The following CDH4 variants were observed in gnomAD, a reference collection of about 807,000 sequenced individuals.
CDH4 encodes the protein cadherin-4.
Under a neutral mutation model 86.0 loss-of-function variants are expected in CDH4, and 33 were observed. The ratio of observed to expected loss-of-function variants is 0.38; its 90% CI spans 0.29 to 0.51. CDH4 has a LOEUF of 0.51. Ranked by LOEUF, CDH4 falls within the 20% of genes least tolerant of loss-of-function variation. The pLI, the probability that CDH4 is intolerant of heterozygous loss-of-function variation, is 0.86. For missense variants in CDH4, 1,114 were observed against 1,307.4 expected (o/e 0.85, Z 2.28); for synonymous variants, 555 against 549.4 (o/e 1.01, Z -0.14).
rs186725185 is a variant in CDH4 at position 61,427,401 on chromosome 20, T to G, written c.169+172464T>G. 3.1e-3 allele frequency among the ~76,000 whole-genome samples: 471 copies of G among 152,310 alleles called. 1 individual carries two copies. The highest frequency in any genetic ancestry group is 5.1e-3 in the Non-Finnish European group (347 of 68,012). ...GCATTAGCAATTTTTCTGCAGGGGT[T>G]TTTAGAGGCTGTGGCATGAAATCAG... On this transcript the variant is annotated intron_variant, in intron 2 of 15. Transcript: ENST00000614565.
At chr20:61,285,270 G>C (rs910682342) in intron 2 of CDH4, among the ~76,000 whole-genome samples, 1 of 152,196 alleles carries the variant, frequency 6.6e-6, no homozygotes, top group African/African-American at 2.4e-5. Context: ...ACGAAGCCAC[G>C]AAGCAGCAGA....
chr20:61,900,430 C>T (rs1171218258), intron 8 of CDH4, among the ~76,000 whole-genome samples: 1 of 152,180 alleles, frequency 6.6e-6, no homozygotes, highest in Non-Finnish European at 1.5e-5. Flanking sequence ...GAGCTCCCAC[C>T]CACCCGACAT....
At chr20:61,906,095 G>T (rs2054785372) in intron 8 of CDH4, among the ~76,000 whole-genome samples, 1 of 152,220 alleles carries the variant, frequency 6.6e-6, no homozygotes, top group Non-Finnish European at 1.5e-5. Context: ...GGGGCCGCCA[G>T]AACTGACCCC....
chr20:61,445,141 A>C (rs1367411722), intron 2 of CDH4, among the ~76,000 whole-genome samples: 3 of 151,728 alleles, frequency 2.0e-5, no homozygotes, highest in Non-Finnish European at 4.4e-5. Context: ...CCCACTCCCT[A>C]TTGCAAGAAT....
chr20:61,404,521 A>G (rs765469690), intron 2 of CDH4, among the ~76,000 whole-genome samples: 46 of 152,046 alleles, frequency 3.0e-4, no homozygotes, highest in Admixed American at 9.8e-4. Flanking sequence ...AATTGTGGTT[A>G]TGACGATCTG....
chr20:61,622,486 C>T (rs2086786675), intron 2 of CDH4, among the ~76,000 whole-genome samples: 2 of 152,254 alleles, frequency 1.3e-5, no homozygotes, highest in Admixed American at 1.3e-4. Flanking sequence ...GCTGCAGCAT[C>T]CGAGGACCAG....
chr20:61,394,729 A>G (rs532047097), intron 2 of CDH4, among the ~76,000 whole-genome samples: 9 of 151,696 alleles, frequency 5.9e-5, no homozygotes, highest in African/African-American at 1.7e-4. Context: ...AGCCTCTCAA[A>G]AGGAGCCAGC....
At chr20:61,583,790 G>A (rs2086449904) in intron 2 of CDH4, among the ~76,000 whole-genome samples, 1 of 152,238 alleles carries the variant, frequency 6.6e-6, no homozygotes, top group African/African-American at 2.4e-5. Context: ...CTGCACTGAA[G>A]TGTGGACAGC....
At chr20:61,476,945 G>C (rs2085539783) in intron 2 of CDH4, among the ~76,000 whole-genome samples, 1 of 152,212 alleles carries the variant, frequency 6.6e-6, no homozygotes, top group Non-Finnish European at 1.5e-5. Flanking sequence ...CTGGGTTTAG[G>C]TGTTAGAAGA....
intron 2 of CDH4, among the ~76,000 whole-genome samples, chr20:61,735,689 C>T (rs1208559280): frequency 3.3e-5 from 5 of 152,248 alleles, no homozygotes; most frequent in African/African-American, 7.2e-5. Flanking sequence ...GGCCTCCCCA[C>T]GGCCTCCGTG....
intron 2 of CDH4, among the ~76,000 whole-genome samples, chr20:61,638,744 G>A (rs995005790): frequency 6.6e-6 from 1 of 152,152 alleles, no homozygotes; most frequent in African/African-American, 2.4e-5. Flanking sequence ...TCGACATCTG[G>A]GTAGATGCAA....
chr20:61,553,486 C>T (rs541691734), intron 2 of CDH4, among the ~76,000 whole-genome samples: 5 of 152,314 alleles, frequency 3.3e-5, no homozygotes, highest in Admixed American at 2.0e-4. Flanking sequence ...GAGGTGTTTC[C>T]ATTTGGGGCT....
At chr20:61,339,543 G>C (rs189027016) in intron 2 of CDH4, among the ~76,000 whole-genome samples, 1 of 152,270 alleles carries the variant, frequency 6.6e-6, no homozygotes, top group Admixed American at 6.5e-5. Flanking sequence ...CTTGTGATGG[G>C]CTTGATGAAG....
In CDH4 at chr20:61,902,862, C is replaced by A. The variant is rs1048196357; in HGVS notation, c.1189-7560C>A. On this transcript the variant is annotated intron_variant, in intron 8 of 15. Coordinates refer to ENST00000614565, the MANE Select transcript of CDH4 (RefSeq NM_001794.5). This position sits in a 1 kb window ranked among gnomAD's most constrained non-coding sequence, Gnocchi z 4.6. Reference sequence around the variant, plus strand: ...CTGTCTCAGAGAGCTGATTAAAAATCTCACACCACACACAGCAGAGGTGGC... The same window carrying A: ...CTGTCTCAGAGAGCTGATTAAAAATATCACACCACACACAGCAGAGGTGGC... Among the ~76,000 whole-genome samples the A allele has an allele frequency of 1.3e-5, 2 of 152,054 alleles. No homozygotes were observed. Among genetic ancestry groups the A allele is most frequent in the Non-Finnish European group, 2.9e-5 (2 of 67,996 alleles).
intron 4 of CDH4, among the ~76,000 whole-genome samples, chr20:61,841,970 G>T (rs1458146362): frequency 2.0e-5 from 3 of 152,214 alleles, no homozygotes; most frequent in African/African-American, 4.8e-5. Flanking sequence ...CCTCACTCCT[G>T]CACGTAGGAA....
chr20:61,627,673 C>G (rs957057888), intron 2 of CDH4, among the ~76,000 whole-genome samples: 3 of 152,070 alleles, frequency 2.0e-5, no homozygotes, highest in African/African-American at 7.3e-5. Flanking sequence ...CTGAGGCCCC[C>G]TGGTTGGGAC....
At chr20:61,304,269 C>CCT (rs1555835202) in intron 2 of CDH4, among the ~76,000 whole-genome samples, 1 of 151,662 alleles carries the variant, frequency 6.6e-6, no homozygotes, top group South Asian at 2.1e-4. Context: ...CGGCACCCCC[C>CCT]CAACCCCCCG....
At chr20:61,645,038 T>C (rs1600834982) in intron 2 of CDH4, among the ~76,000 whole-genome samples, 2 of 152,188 alleles carry the variant, frequency 1.3e-5, no homozygotes, top group South Asian at 4.1e-4. Flanking sequence ...TCTTACAAGG[T>C]CACTCATCAC....
chr20:61,813,111 G>A (rs1335088661), intron 4 of CDH4, among the ~76,000 whole-genome samples: 1 of 152,202 alleles, frequency 6.6e-6, no homozygotes, highest in Admixed American at 6.5e-5. Context: ...AATTATTACT[G>A]CCAGAGATTT....
Sources: allele counts gnomAD v4.1 joint callset (sites outside exome capture counted in the v4.1 genomes callset), GRCh38; gene constraint gnomAD v4.1.1; non-coding constraint Gnocchi (gnomAD v3.1); transcripts MANE v1.5; gene names NCBI Gene and HGNC (gene_info 2026-07-23, HGNC 2026-07-21).